The following PDK4 variants were observed in gnomAD, a reference collection of about 807,000 sequenced individuals.
The protein encoded by PDK4 is pyruvate dehydrogenase kinase 4.
A neutral mutation model predicts 51.7 loss-of-function variants in PDK4; 43 were observed. That is an observed-to-expected ratio of 0.83 (90% CI 0.65 to 1.07). The LOEUF (loss-of-function observed/expected upper bound fraction) is 1.07. PDK4 is among the 50% of genes least tolerant of loss of function. The pLI, the probability that PDK4 is intolerant of heterozygous loss-of-function variation, is 0.00. For synonymous variants in PDK4, 170 were observed against 176.6 expected, an observed-to-expected ratio of 0.96 and a Z score of 0.30; for missense variants, 498 against 503.5, an observed-to-expected ratio of 0.99 and a Z score of 0.10.
At position 95,592,615 on chromosome 7, in the gene PDK4, CA is replaced by C. The variant is rs200624704; in HGVS notation, c.530-19del. ...TATAAGAACTGTTGAAAAATAAAAACAAAAAAAAATTGTTATAAAATTCAGG... is the reference window on the plus strand; with the variant it reads ...TATAAGAACTGTTGAAAAATAAAAACAAAAAAAATTGTTATAAAATTCAGG... On this transcript the variant is annotated intron_variant, in intron 4 of 10. Transcript: ENST00000005178. 122,728 of 1,531,302 alleles carry C rather than the reference CA, an allele frequency of 0.08. 6,265 individuals carry two copies. The highest frequency in any genetic ancestry group is 0.2 in the South Asian group (18,037 of 88,360). The allele number at this position is 1,531,302 out of a possible 1,614,324, so 94.9% of individuals were successfully genotyped here.
rs889459044 is a variant in PDK4 at position 95,587,561 on chromosome 7, C to T, written c.871-33G>A. ...AAACAAACAAGTCATCAAAGCCACACATTAAAAACAATGTGCATTTGTCTA... is the reference window on the plus strand; with the variant it reads ...AAACAAACAAGTCATCAAAGCCACATATTAAAAACAATGTGCATTTGTCTA... On this transcript the variant is annotated intron_variant, in intron 8 of 10. Transcript: ENST00000005178. 2.9e-6 allele frequency: 4 copies of T among 1,388,894 alleles called. No individual in the cohort carries two copies. In the Admixed American group the frequency reaches 5.0e-5, roughly 18 times the overall value. 86.0% of individuals were successfully genotyped at this position (1,388,894 alleles called of 1,614,324 possible). A position where few individuals can be genotyped will look rare whatever the true frequency, so the allele number is the denominator to read the frequency against.
At chr7:95,594,476 A>C (rs2116719952) in intron 2 of PDK4, among the ~76,000 whole-genome samples, 1 of 152,212 alleles carries the variant, frequency 6.6e-6, no homozygotes, top group African/African-American at 2.4e-5. Flanking sequence ...TTACACTCAA[A>C]CATCCCTCTG....
intron 10 of PDK4, 75 bp downstream of exon 10, chr7:95,586,935 A>G (rs10247649): frequency 0.39 from 315,926 of 801,930 alleles, 67,396 homozygotes; most frequent in East Asian, 0.78. Context: ...AATTCACTCC[A>G]GACCATAGCA....
rs929377449 is a variant in PDK4, at chr7:95,594,388, A to G, written c.273-618T>C. 7.2e-5 allele frequency among the ~76,000 whole-genome samples: 11 copies of G among 151,956 alleles called. No homozygotes were observed. In the South Asian group the frequency reaches 1.0e-3, roughly 14 times the overall value. On this transcript the variant is annotated intron_variant, in intron 2 of 10. Transcript: ENST00000005178. The stretch of plus-strand genomic sequence containing the variant: ...ATAAAATGAGATGACAACAACTGAC[A>G]CTTACTGACTGCTGGCTGTGTGCCA...
intron 8 of PDK4, 63 bp from the exon 9 acceptor site, chr7:95,587,591 A>T: frequency 7.9e-7 from 1 of 1,267,420 alleles, no homozygotes; most frequent in East Asian, 2.3e-5. Context: ...TGTCTAAATA[A>T]AAATGGCTTT....
At chr7:95,587,313 T>C in intron 9 of PDK4, 105 bp downstream of exon 9, 1 of 786,170 alleles carries the variant, frequency 1.3e-6, no homozygotes, top group East Asian at 2.5e-5. Flanking sequence ...CCTTCATGTC[T>C]AATTTTACTT....
intron 2 of PDK4, 48 bp downstream of exon 2, chr7:95,594,975 C>A: frequency 7.1e-7 from 1 of 1,413,220 alleles, no homozygotes. Flanking sequence ...AATTCATACC[C>A]GGGTAACTGT....
chr7:95,595,413 G>A (rs1312838777), intron 1 of PDK4, among the ~76,000 whole-genome samples: 1 of 151,898 alleles, frequency 6.6e-6, no homozygotes, highest in Non-Finnish European at 1.5e-5. Flanking sequence ...TTCTCTTTTT[G>A]AAGAGGATTC....
intron 10 of PDK4, 34 bp downstream of exon 10, chr7:95,586,976 G>C: frequency 8.2e-7 from 1 of 1,217,884 alleles, no homozygotes; most frequent in South Asian, 1.2e-5. Context: ...AATGGTTTTA[G>C]AAACAGGATT....
At chr7:95,587,639 T>C (rs1339357734) in intron 8 of PDK4, 88 bp downstream of exon 8, 1 of 1,159,948 alleles carries the variant, frequency 8.6e-7, no homozygotes, top group African/African-American at 1.5e-5. Context: ...ATGACTGTTA[T>C]CTATTGCAAA....
At position 95,596,155 on chromosome 7, in the gene PDK4, C is replaced by A. The variant is rs1323401529; in HGVS notation, c.130+9G>T. 3.1e-6 allele frequency: 5 copies of A among 1,599,212 alleles called. No individual in the cohort carries two copies. The highest frequency in any genetic ancestry group is 4.3e-6 in the Non-Finnish European group (5 of 1,173,320). On this transcript the variant is annotated intron_variant, in intron 1 of 10. Coordinates refer to ENST00000005178, the MANE Select transcript of PDK4 (RefSeq NM_002612.4). ...TAGGACCCAGCTTGGGCCCTGTGTC[C>A]CCTCTCACCAAAGTCCAGTAGCTGC...
At chr7:95,591,480 C>T (rs552073373) in intron 6 of PDK4, among the ~76,000 whole-genome samples, 20 of 152,320 alleles carry the variant, frequency 1.3e-4, no homozygotes, top group African/African-American at 4.3e-4. Flanking sequence ...TTTCCCCTTC[C>T]TCACAGCCTC....
Position 95,585,450 on chromosome 7 carries a change from C to T in PDK4, c.*191G>A, listed in dbSNP as rs565871124. The T allele has an allele frequency of 6.8e-6, 3 of 440,234 alleles. No individual in the cohort carries two copies. Among genetic ancestry groups the T allele is most frequent in the South Asian group, 8.1e-5 (1 of 12,412 alleles). The allele number at this position is 440,234 out of a possible 1,614,324, so 27.3% of individuals were successfully genotyped here. ...TAAGGAGCTGGCCATCTGTTAACTC[C>T]TGTAGTCTTGCACTAAGTTCTCCTG... is the stretch of plus-strand genomic sequence containing the variant. On this transcript the variant is annotated 3_prime_UTR_variant, in exon 11 of 11. Coordinates refer to ENST00000005178, the MANE Select transcript of PDK4 (RefSeq NM_002612.4).
chr7:95,592,150 C>G (rs1791560219), intron 5 of PDK4, 85 bp from the exon 6 acceptor site: 1 of 656,728 alleles, frequency 1.5e-6, no homozygotes, highest in Non-Finnish European at 2.6e-6. Flanking sequence ...CTGTATTACC[C>G]TAATCTAAAA....
rs76532038 is a variant in PDK4 at position 95,594,397 on chromosome 7, C to G, written c.272+626G>C. On this transcript the variant is annotated intron_variant, in intron 2 of 10. Transcript: ENST00000005178. ...GATGACAACAACTGACACTTACTGA[C>G]TGCTGGCTGTGTGCCAAGTGCTGTC... 9.8e-3 allele frequency among the ~76,000 whole-genome samples: 1,486 copies of G among 152,076 alleles called. 34 individuals carry two copies. Among genetic ancestry groups the G allele is most frequent in the African/African-American group, 0.035 (1,441 of 41,460 alleles).
Position 95,593,709 on chromosome 7 carries a change from C to T in PDK4, c.334G>A (p.Ala112Thr), listed in dbSNP as rs992380789. 6.6e-7 allele frequency: 1 copy of T among 1,524,306 alleles called. No homozygotes were observed. Among genetic ancestry groups the T allele is most frequent in the Non-Finnish European group, 9.1e-7 (1 of 1,098,302 alleles). The allele number at this position is 1,524,306 out of a possible 1,614,324, so 94.4% of individuals were successfully genotyped here. A position where few individuals can be genotyped will look rare whatever the true frequency, so the allele number is the denominator to read the frequency against. The part of the protein sequence containing the change: ...FHEKSPDDQK[A>T]LSDFVDTLIK... ...ATGCATAGAGCTTACTCTGATAATGCTTTCTGGTCATCTGGGCTTTTCTCA... is the reference window on the plus strand; with the variant it reads ...ATGCATAGAGCTTACTCTGATAATGTTTTCTGGTCATCTGGGCTTTTCTCA... Residue 112 changes from alanine (A) to threonine (T), a missense_variant, in exon 3 of 11, where the codon GCA becomes ACA. Ala to Thr is a moderately conservative substitution (Grantham distance 58). Coordinates refer to ENST00000005178, the MANE Select transcript of PDK4 (RefSeq NM_002612.4).
rs1221411907 is a variant in PDK4 at position 95,587,481 on chromosome 7, G to C, written c.918C>G (p.Leu306=). The C allele has an allele frequency of 1.9e-6, 3 of 1,611,990 alleles. No homozygotes were observed. The highest frequency in any genetic ancestry group is 2.5e-6 in the Non-Finnish European group (3 of 1,178,036). ...GGVPLRIIDR[L]FSYTYSTAPT... ...GTGCAGTGGAGTATGTATAACTAAA[G>C]AGGCGGTCAATAATTCTCAGGGGAA... The change falls in exon 9 of 11, where the codon CTC becomes CTG. Residue 306 remains leucine, a synonymous_variant. Coordinates refer to ENST00000005178, the MANE Select transcript of PDK4 (RefSeq NM_002612.4).
intron 10 of PDK4, 46 bp from the exon 11 acceptor site, chr7:95,585,827 TG>T: frequency 1.3e-6 from 2 of 1,511,646 alleles, no homozygotes; most frequent in Non-Finnish European, 1.8e-6. Context: ...AAATTATGCA[TG>T]GCATAATTTG....
At position 95,585,505 on chromosome 7, in the gene PDK4, G is replaced by T; in HGVS notation, c.*136C>A. 4.4e-6 allele frequency: 3 copies of T among 675,198 alleles called. No individual in the cohort carries two copies. The highest frequency in any genetic ancestry group is 7.1e-6 in the Non-Finnish European group (3 of 421,216). The allele number at this position is 675,198 out of a possible 1,614,324, so 41.8% of individuals were successfully genotyped here. A position where few individuals can be genotyped will look rare whatever the true frequency, so the allele number is the denominator to read the frequency against. ...ACAGAAACAAGCTCCATTCCTCATT[G>T]GATCAGTGTTCTGATTAAGGAGTTT... On this transcript the variant is annotated 3_prime_UTR_variant, in exon 11 of 11. Transcript: ENST00000005178.
Sources: gnomAD v4.1 joint callset for allele counts (sites outside exome capture counted in the v4.1 genomes callset) on GRCh38, gnomAD v4.1.1 for gene constraint, MANE v1.5 for transcripts, NCBI Gene and HGNC (gene_info 2026-07-23, HGNC 2026-07-21) for gene names.